Variants in ARHGEF10L observed in about 807,000 individuals in gnomAD.
ARHGEF10L encodes the protein rho guanine nucleotide exchange factor 10-like protein.
ARHGEF10L carries 69 observed loss-of-function variants against 141.2 expected under a neutral mutation model. The ratio of observed to expected loss-of-function variants is 0.49; its 90% CI spans 0.40 to 0.60. The LOEUF is 0.60. Among genes scored for constraint, ARHGEF10L ranks in the 20% least tolerant of loss-of-function variants. The probability of loss-of-function intolerance (pLI) is 0.00; values close to 1 mark genes in which losing one functional copy is unlikely to be tolerated. For missense variants in ARHGEF10L, 1,482 were observed against 1,734.3 expected, an observed-to-expected ratio of 0.85 and a Z score of 2.58; for synonymous variants, 711 against 718.5, an observed-to-expected ratio of 0.99 and a Z score of 0.17.
intron 1 of ARHGEF10L, among the ~76,000 whole-genome samples, chr1:17,571,012 G>A (rs865793908): frequency 6.6e-6 from 1 of 152,044 alleles, no homozygotes; most frequent in South Asian, 2.1e-4. Flanking sequence ...TGAGATGCCC[G>A]ATCAATCACT....
At chr1:17,567,304 T>C (rs2077796656) in intron 1 of ARHGEF10L, among the ~76,000 whole-genome samples, 2 of 152,204 alleles carry the variant, frequency 1.3e-5, no homozygotes, top group South Asian at 4.1e-4. Context: ...TCAAGTGACA[T>C]TGGGGACATG....
chr1:17,544,153 A>G (rs1366855961), intron 1 of ARHGEF10L, among the ~76,000 whole-genome samples: 1 of 150,646 alleles, frequency 6.6e-6, no homozygotes, highest in Non-Finnish European at 1.5e-5. Flanking sequence ...GGGTTTCACT[A>G]TGTTGGCCAG....
chr1:17,620,001 C>G (rs1304654526), intron 10 of ARHGEF10L, among the ~76,000 whole-genome samples: 1 of 151,974 alleles, frequency 6.6e-6, no homozygotes, highest in Non-Finnish European at 1.5e-5. Flanking sequence ...CCATCCTGGC[C>G]AACATGGTGA....
chr1:17,626,867 T>C (rs893245276), intron 14 of ARHGEF10L, among the ~76,000 whole-genome samples: 1 of 152,276 alleles, frequency 6.6e-6, no homozygotes, highest in African/African-American at 2.4e-5. Context: ...ACAATGTTTT[T>C]CTTTTCGTGA....
Position 17,696,212 on chromosome 1 carries a change from CA to C in ARHGEF10L, c.3308-620del, listed in dbSNP as rs33980606. 8.3e-3 allele frequency among the ~76,000 whole-genome samples: 1,060 copies of C among 127,100 alleles called. 24 individuals are homozygous for C. Among genetic ancestry groups the C allele is most frequent in the African/African-American group, 0.031 (1,023 of 33,398 alleles). 83.4% of individuals were successfully genotyped at this position (127,100 alleles called of 152,430 possible). A position where few individuals can be genotyped will look rare whatever the true frequency, so the allele number is the denominator to read the frequency against. ...TGGGGGACAGAGTGAGACACCATCT[CA>C]AAAAAAAAAAAAAAAGTTGCTTCTA... is the stretch of plus-strand genomic sequence containing the variant. On this transcript the variant is annotated intron_variant, in intron 28 of 28. Coordinates refer to ENST00000361221, the MANE Select transcript of ARHGEF10L (RefSeq NM_018125.4).
chr1:17,520,513 A>G, the ARHGEF10L span, among the ~76,000 whole-genome samples: 1 of 152,134 alleles, frequency 6.6e-6, no homozygotes, highest in African/African-American at 2.4e-5. Flanking sequence ...TTGGAGGAGA[A>G]TCTTTTGGAG....
upstream of ARHGEF10L, among the ~76,000 whole-genome samples, chr1:17,538,812 A>G (rs941073526): frequency 1.5e-4 from 23 of 152,268 alleles, no homozygotes; most frequent in Admixed American, 3.3e-4. Flanking sequence ...ATCATTATCA[A>G]CCCAGGAGTA....
intron 2 of ARHGEF10L, among the ~76,000 whole-genome samples, chr1:17,582,298 A>C (rs1439690060): frequency 6.6e-6 from 1 of 152,092 alleles, no homozygotes; most frequent in South Asian, 2.1e-4. Context: ...GAACCTGAAC[A>C]TGGGGAGTGA....
chr1:17,622,141 T>A lies in ARHGEF10L; in HGVS notation c.1020+200T>A, dbSNP rs1055821554. Among the ~76,000 whole-genome samples, 2 of 152,258 alleles carry A rather than the reference T, an allele frequency of 1.3e-5. 1 individual carries two copies. Among genetic ancestry groups the A allele is most frequent in the South Asian group, 4.2e-4 (2 of 4,816 alleles). Reference sequence around the variant, plus strand: ...ATGCCCTGGTGTTCACGGGAGTGACTTCTTTGTGAACAAAATGGGATTCTT... The same window carrying A: ...ATGCCCTGGTGTTCACGGGAGTGACATCTTTGTGAACAAAATGGGATTCTT... On this transcript the variant is annotated intron_variant, in intron 11 of 28. Coordinates refer to ENST00000361221, the MANE Select transcript of ARHGEF10L (RefSeq NM_018125.4).
At chr1:17,645,648 G>A (rs1160121762) in intron 21 of ARHGEF10L, among the ~76,000 whole-genome samples, 1 of 152,182 alleles carries the variant, frequency 6.6e-6, no homozygotes, top group Non-Finnish European at 1.5e-5. Context: ...CTGCCCAGGG[G>A]CTTGTCCAAG....
At chr1:17,532,898 C>A in the ARHGEF10L span, among the ~76,000 whole-genome samples, 2 of 152,074 alleles carry the variant, frequency 1.3e-5, no homozygotes, top group Admixed American at 6.6e-5. Flanking sequence ...CCCACCACCC[C>A]CTCTTGACCT....
chr1:17,576,407 C>T (rs536190376), intron 1 of ARHGEF10L, among the ~76,000 whole-genome samples: 4 of 152,218 alleles, frequency 2.6e-5, no homozygotes, highest in East Asian at 1.9e-4. Context: ...TAACCTGCTC[C>T]GGGCCTCTGG....
chr1:17,686,080 TTC>T (rs1460695661), intron 26 of ARHGEF10L, among the ~76,000 whole-genome samples: 1 of 140,274 alleles, frequency 7.1e-6, no homozygotes, highest in Non-Finnish European at 1.5e-5. Context: ...TTTGTTTTTT[TTC>T]TTTCTTTCTT....
chr1:17,696,332 C>T (rs1439866668), intron 28 of ARHGEF10L, among the ~76,000 whole-genome samples: 1 of 152,068 alleles, frequency 6.6e-6, no homozygotes, highest in Non-Finnish European at 1.5e-5. Context: ...AGGTAGAATC[C>T]TGGGATGCAG....
chr1:17,656,413 G>T lies in ARHGEF10L; in HGVS notation c.2706-141G>T. The T allele has an allele frequency of 3.8e-6, 4 of 1,052,288 alleles. No homozygotes were observed. The South Asian group carries it at 6.3e-5, about 16-fold the overall frequency. 65.2% of individuals were successfully genotyped at this position (1,052,288 alleles called of 1,614,324 possible). Reference sequence around the variant, plus strand: ...GAAAAGTGAGCTCCCGCATGGTGGAGCTATGGCCTGGCCACACAGCCGAAA... The same window carrying T: ...GAAAAGTGAGCTCCCGCATGGTGGATCTATGGCCTGGCCACACAGCCGAAA... On this transcript the variant is annotated intron_variant, in intron 24 of 28. Transcript: ENST00000361221. This position sits in a 1 kb window ranked among gnomAD's most constrained non-coding sequence, Gnocchi z 4.9.
At chr1:17,674,455 C>T (rs915115132) in intron 26 of ARHGEF10L, among the ~76,000 whole-genome samples, 2 of 152,206 alleles carry the variant, frequency 1.3e-5, no homozygotes, top group African/African-American at 2.4e-5. Context: ...GGAGAGGATG[C>T]GGGTCAGCCG....
rs774796100 is a variant in ARHGEF10L at position 17,607,914 on chromosome 1, G to A, written c.546G>A (p.Gly182=). ...SEFESYSEDS[G]EEAKPEVEVE... is the part of the protein sequence containing the mutation. ...TCGAGAGCTACAGCGAGGACTCGGG[G>A]GAGGAGGCCAAGCCGGAGGTCGAGG... The change falls in exon 7 of 29, where the codon GGG becomes GGA. Residue 182 remains glycine (G), a synonymous_variant. Coordinates refer to ENST00000361221, the MANE Select transcript of ARHGEF10L (RefSeq NM_018125.4). This position sits in a 1 kb window ranked among gnomAD's most constrained non-coding sequence, Gnocchi z 4.5. 1 of 1,535,382 alleles carries A rather than the reference G, an allele frequency of 6.5e-7. No homozygotes were observed. The highest frequency in any genetic ancestry group is 1.2e-5 in the South Asian group (1 of 81,118).
At chr1:17,678,714 C>G (rs371645005) in intron 26 of ARHGEF10L, among the ~76,000 whole-genome samples, 1 of 152,172 alleles carries the variant, frequency 6.6e-6, no homozygotes, top group Admixed American at 6.5e-5. Context: ...CCACCGCACC[C>G]GGCTGGATTT....
In ARHGEF10L at chr1:17,599,442, C is replaced by A. The variant is rs553635626; in HGVS notation, c.258-2685C>A. 2.2e-4 allele frequency among the ~76,000 whole-genome samples: 33 copies of A among 152,250 alleles called. No individual in the cohort carries two copies. In the South Asian group the frequency reaches 6.8e-3, roughly 32 times the overall value. ...TCACTGTCATGGCCACATATCAGAGCAAAGAGGACCTGTGGCCGGGAGACT... is the reference window on the plus strand; with the variant it reads ...TCACTGTCATGGCCACATATCAGAGAAAAGAGGACCTGTGGCCGGGAGACT... On this transcript the variant is annotated intron_variant, in intron 4 of 28. Coordinates refer to ENST00000361221, the MANE Select transcript of ARHGEF10L (RefSeq NM_018125.4).
Sources: gnomAD v4.1 joint callset for allele counts (sites outside exome capture counted in the v4.1 genomes callset) on GRCh38, gnomAD v4.1.1 for gene constraint, Gnocchi (gnomAD v3.1) non-coding constraint, MANE v1.5 for transcripts, NCBI Gene and HGNC (gene_info 2026-07-23, HGNC 2026-07-21) for gene names.